PTPRM: variants seen among roughly 807,000 people sequenced by gnomAD.
PTPRM encodes the protein receptor-type tyrosine-protein phosphatase mu.
In PTPRM, 47 loss-of-function variants were observed where a neutral mutation model predicts 186.7. The observed-to-expected ratio is 0.25, with a 90% CI of 0.20 to 0.32. The LOEUF is 0.32. Among genes scored for constraint, PTPRM ranks in the 10% least tolerant of loss-of-function variants. PTPRM has a pLI of 1.00. For missense variants in PTPRM, 1,494 were observed against 1,865.0 expected (o/e 0.80, Z 3.66); for synonymous variants, 668 against 674.9 (o/e 0.99, Z 0.16).
chr18:8,398,222 A>G (rs1028386134), intron 32 of PTPRM, among the ~76,000 whole-genome samples: 1 of 152,048 alleles, frequency 6.6e-6, no homozygotes, highest in Non-Finnish European at 1.5e-5. Context: ...GGCCTCAAGC[A>G]GTCCTCCTGC....
intron 4 of PTPRM, among the ~76,000 whole-genome samples, chr18:7,907,237 C>G (rs1015442370): frequency 7.3e-5 from 11 of 150,130 alleles, no homozygotes; most frequent in Non-Finnish European, 1.5e-4. Flanking sequence ...CCAAACCCTG[C>G]CCCCCAGGGG....
At chr18:8,166,303 C>T (rs776269586) in intron 14 of PTPRM, among the ~76,000 whole-genome samples, 3 of 152,140 alleles carry the variant, frequency 2.0e-5, no homozygotes, top group Non-Finnish European at 4.4e-5. Flanking sequence ...CCCTGCAACC[C>T]GCTTTCCCTG....
At chr18:8,311,104 T>TC (rs1389916362) in intron 20 of PTPRM, among the ~76,000 whole-genome samples, 14 of 152,110 alleles carry the variant, frequency 9.2e-5, no homozygotes, top group African/African-American at 3.1e-4. Context: ...AGGTCAGTGG[T>TC]TCCAGAACAG....
chr18:7,609,351 G>A (rs903577720), intron 1 of PTPRM, among the ~76,000 whole-genome samples: 7 of 152,164 alleles, frequency 4.6e-5, no homozygotes, highest in Non-Finnish European at 7.3e-5. Flanking sequence ...GGGGACAGCA[G>A]CATAGGTAGT....
intron 22 of PTPRM, among the ~76,000 whole-genome samples, chr18:8,342,937 A>T (rs1225053158): frequency 5.3e-5 from 2 of 37,604 alleles, no homozygotes; most frequent in African/African-American, 1.7e-4. Context: ...AGTCAAGCAG[A>T]AAAAAAAATG....
chr18:8,082,597 CTCT>C (rs1400518350), intron 9 of PTPRM, among the ~76,000 whole-genome samples: 1 of 150,480 alleles, frequency 6.6e-6, no homozygotes, highest in Non-Finnish European at 1.5e-5. Flanking sequence ...TCCTTTGGCT[CTCT>C]TCTTGCATTT....
chr18:7,855,652 A>C (rs2145983259), intron 2 of PTPRM, among the ~76,000 whole-genome samples: 1 of 152,358 alleles, frequency 6.6e-6, no homozygotes, highest in East Asian at 1.9e-4. Context: ...TTGTCAGTAC[A>C]AGGAGTGTGG....
chr18:8,107,627 CAT>C (rs2091581619), intron 11 of PTPRM, among the ~76,000 whole-genome samples: 1 of 152,124 alleles, frequency 6.6e-6, no homozygotes, highest in African/African-American at 2.4e-5. Flanking sequence ...GCTGAGAGAA[CAT>C]AAAAAATGCT....
rs961841195 is a variant in PTPRM, at chr18:8,060,814, TGAGA to T, written c.1133-8869_1133-8866del. Among the ~76,000 whole-genome samples the T allele has an allele frequency of 2.8e-4, 15 of 54,504 alleles. 1 individual carries two copies. Among genetic ancestry groups the T allele is most frequent in the African/African-American group, 1.2e-3 (14 of 11,328 alleles). 35.8% of individuals were successfully genotyped at this position (54,504 alleles called of 152,430 possible). On this transcript the variant is annotated intron_variant, in intron 7 of 32. Transcript: ENST00000580170. Reference sequence around the variant, plus strand: ...GTTCTAGTTTGATTGCACTGTGGTCTGAGAGATAGTTTGTTATAATTTGTGTTCT... The same window carrying T: ...GTTCTAGTTTGATTGCACTGTGGTCTGATAGTTTGTTATAATTTGTGTTCT...
chr18:7,866,809 T>C (rs1028180753), intron 2 of PTPRM, among the ~76,000 whole-genome samples: 1 of 152,210 alleles, frequency 6.6e-6, no homozygotes, highest in African/African-American at 2.4e-5. Flanking sequence ...CCACTATTAC[T>C]GTGTAGGAGT....
At chr18:8,328,383 T>A (rs1368012756) in intron 22 of PTPRM, among the ~76,000 whole-genome samples, 2 of 152,084 alleles carry the variant, frequency 1.3e-5, no homozygotes, top group Admixed American at 1.3e-4. Context: ...TTGAAAGAAC[T>A]TTTTTTTAAA....
At chr18:7,992,856 G>C (rs2083333245) in intron 7 of PTPRM, among the ~76,000 whole-genome samples, 1 of 151,998 alleles carries the variant, frequency 6.6e-6, no homozygotes, top group Non-Finnish European at 1.5e-5. Context: ...GTAAATGTAA[G>C]AAAGATTAAT....
At chr18:7,859,240 T>C (rs1294712824) in intron 2 of PTPRM, among the ~76,000 whole-genome samples, 2 of 152,200 alleles carry the variant, frequency 1.3e-5, no homozygotes, top group Admixed American at 6.5e-5. Flanking sequence ...TATATTAATG[T>C]ATATGTTGTG....
rs371669442 is a variant in PTPRM at position 7,901,010 on chromosome 18, C to G, written c.469-5495C>G. Among the ~76,000 whole-genome samples the G allele has an allele frequency of 2.0e-5, 3 of 151,954 alleles. No individual in the cohort carries two copies. The South Asian group carries it at 6.2e-4, about 32-fold the overall frequency. On this transcript the variant is annotated intron_variant, in intron 3 of 32. Coordinates refer to ENST00000580170, the MANE Select transcript of PTPRM (RefSeq NM_001105244.2). ...CAATTTCTTACACGTTTCTTTTTTC[C>G]TTTTCCAATGGTACTGTTGGTATTC... is the stretch of plus-strand genomic sequence containing the variant.
intron 13 of PTPRM, among the ~76,000 whole-genome samples, chr18:8,120,384 A>C (rs1383332689): frequency 6.6e-6 from 1 of 152,018 alleles, no homozygotes; most frequent in Non-Finnish European, 1.5e-5. Flanking sequence ...TTATTTGTGA[A>C]TACCTGGCTG....
chr18:7,775,179 A>G (rs1160497321), intron 2 of PTPRM, among the ~76,000 whole-genome samples: 1 of 152,248 alleles, frequency 6.6e-6, no homozygotes, highest in Non-Finnish European at 1.5e-5. Context: ...AAGGTTTAAC[A>G]GTATGATGCT....
At chr18:7,963,472 G>C (rs1213661636) in intron 7 of PTPRM, among the ~76,000 whole-genome samples, 1 of 152,236 alleles carries the variant, frequency 6.6e-6, no homozygotes, top group Non-Finnish European at 1.5e-5. Context: ...TGACTCTTAA[G>C]GTGTTGTGAC....
At chr18:8,196,487 G>A (rs1446260727) in intron 14 of PTPRM, among the ~76,000 whole-genome samples, 1 of 152,174 alleles carries the variant, frequency 6.6e-6, no homozygotes, top group Non-Finnish European at 1.5e-5. Context: ...CAGCATACTG[G>A]TTTCGTACAA....
At chr18:7,796,709 C>A (rs1249879840) in intron 2 of PTPRM, among the ~76,000 whole-genome samples, 1 of 152,200 alleles carries the variant, frequency 6.6e-6, no homozygotes, top group Non-Finnish European at 1.5e-5. Context: ...AGTCACATCA[C>A]TGGGTTCAGA....
Sources: allele counts gnomAD v4.1 joint callset (sites outside exome capture counted in the v4.1 genomes callset), GRCh38; gene constraint gnomAD v4.1.1; transcripts MANE v1.5; gene names NCBI Gene and HGNC (gene_info 2026-07-23, HGNC 2026-07-21).